TEX30: variants seen among roughly 807,000 people sequenced by gnomAD.
The protein encoded by TEX30 is testis-expressed protein 30.
TEX30 carries 14 observed loss-of-function variants against 23.8 expected under a neutral mutation model. That is an observed-to-expected ratio of 0.59 (90% CI 0.39 to 0.92). TEX30 has a LOEUF of 0.92. TEX30 is among the 40% of genes least tolerant of loss of function. TEX30 has a pLI of 0.00. For missense variants in TEX30, 246 were observed against 270.6 expected (o/e 0.91, Z 0.64); for synonymous variants, 78 against 90.2 (o/e 0.87, Z 0.76).
intron 3 of TEX30, among the ~76,000 whole-genome samples, 183 bp downstream of exon 3, chr13:102,769,128 T>C (rs767963492): frequency 1.3e-5 from 2 of 152,190 alleles, no homozygotes; most frequent in African/African-American, 2.4e-5. Flanking sequence ...TTCATCTCCA[T>C]GGAAACTGAT....
chr13:102,769,810 T>C (rs1303479923), intron 2 of TEX30: 4 of 524,140 alleles, frequency 7.6e-6, no homozygotes, highest in Non-Finnish European at 1.3e-5. Context: ...GCACAGCAGA[T>C]TAAGTAACTT....
chr13:102,769,333 A>T lies in TEX30; in HGVS notation c.224T>A (p.Ile75Asn). Residue 75 changes from isoleucine to asparagine, a missense_variant, in exon 3 of 6, where the codon ATT (isoleucine) becomes AAT (asparagine). Ile to Asn is a moderately radical substitution (Grantham distance 149, BLOSUM62 -3). Transcript: ENST00000376032. ...TACCAAAACTGATTTATACGCCTTA[A>T]TTCTATGTACAATATTAAGGCCTTT... The part of the protein sequence containing the change: ...TCKGLNIVHR[I>N]KAYKSVLNYL... The T allele has an allele frequency of 6.4e-7, 1 of 1,552,804 alleles. No individual in the cohort carries two copies. Among genetic ancestry groups the T allele is most frequent in the Non-Finnish European group, 8.6e-7 (1 of 1,157,782 alleles).
chr13:102,767,234 A>C, intron 5 of TEX30, 39 bp downstream of exon 5: 1 of 1,587,990 alleles, frequency 6.3e-7, no homozygotes, highest in Non-Finnish European at 8.6e-7. Context: ...TCTGCCTTTC[A>C]TTCTCTTTCA....
chr13:102,771,152 C>T (rs538032099), intron 1 of TEX30, among the ~76,000 whole-genome samples: 28 of 70,050 alleles, frequency 4.0e-4, no homozygotes, highest in Admixed American at 1.9e-3. Context: ...TATTTTCACA[C>T]GATGTAAGTG....
chr13:102,769,504 T>C lies in TEX30; in HGVS notation c.53A>G (p.Asp18Gly), dbSNP rs759649559. The C allele has an allele frequency of 6.2e-7, 1 of 1,600,918 alleles. No homozygotes were observed. The highest frequency in any genetic ancestry group is 8.5e-7 in the Non-Finnish European group (1 of 1,175,676). Residue 18 changes from aspartate to glycine, a missense_variant, in exon 3 of 6, where the codon GAT becomes GGT. By Grantham distance (94) the Asp-to-Gly change is moderately conservative (BLOSUM62 -1). Transcript: ENST00000376032. ...CTTGTTAGGTACCAAACAAACAGCATCTAGTAATTTATTTCCAAAAGGTAT... is the reference window on the plus strand; with the variant it reads ...CTTGTTAGGTACCAAACAAACAGCACCTAGTAATTTATTTCCAAAAGGTAT... ...LKIPFGNKLL[D>G]AVCLVPNKSL... is the part of the protein sequence containing the mutation.
intron 1 of TEX30, among the ~76,000 whole-genome samples, chr13:102,771,734 A>G (rs1877334888): frequency 1.3e-5 from 2 of 152,250 alleles, no homozygotes; most frequent in Non-Finnish European, 2.9e-5. Context: ...TCTCAAGAGA[A>G]TAAGCCTCCA....
chr13:102,767,000 T>C (rs1025034658), intron 5 of TEX30, among the ~76,000 whole-genome samples: 12 of 152,202 alleles, frequency 7.9e-5, no homozygotes, highest in African/African-American at 2.9e-4. Flanking sequence ...AAAAAATCTA[T>C]AGTGTAGTAA....
rs1195081187 is a variant in TEX30 at position 102,769,454 on chromosome 13, T to G, written c.103A>C (p.Thr35Pro). 6.2e-7 allele frequency: 1 copy of G among 1,612,038 alleles called. No homozygotes were observed. The highest frequency in any genetic ancestry group is 1.3e-5 in the African/African-American group (1 of 74,878). ...NKSLTYGIILTHGASGDMNLP... is the reference protein window; with the variant it reads ...NKSLTYGIILPHGASGDMNLP... ...TTCATATCTCCTGATGCTCCATGTG[T>G]AAGAATTATTCCATATGTTAAGCTC... Residue 35 changes from threonine to proline, a missense_variant, in exon 3 of 6, where the codon ACA (threonine) becomes CCA (proline). Thr to Pro is a conservative substitution (Grantham distance 38). Transcript: ENST00000376032.
Position 102,769,304 on chromosome 13 carries a change from T to G in TEX30, c.246+7A>C. On this transcript the variant is annotated splice_region_variant and intron_variant, in intron 3 of 5. Transcript: ENST00000376032. ...TGTTATAAGTAAATATAAAGAAATT[T>G]TCTTACCAAAACTGATTTATACGCC... 1 of 1,498,232 alleles carries G rather than the reference T, an allele frequency of 6.7e-7. No homozygotes were observed. Among genetic ancestry groups the G allele is most frequent in the Non-Finnish European group, 8.9e-7 (1 of 1,124,640 alleles). The allele number at this position is 1,498,232 out of a possible 1,614,324, so 92.8% of individuals were successfully genotyped here. A position where few individuals can be genotyped will look rare whatever the true frequency, so the allele number is the denominator to read the frequency against.
In TEX30 at chr13:102,767,494, ATTAAG is replaced by A. The variant is rs749046990; in HGVS notation, c.299-21_299-17del. The A allele has an allele frequency of 1.7e-5, 28 of 1,612,052 alleles. No homozygotes were observed. The highest frequency in any genetic ancestry group is 2.1e-5 in the Non-Finnish European group (25 of 1,178,880). On this transcript the variant is annotated splice_polypyrimidine_tract_variant and intron_variant, in intron 4 of 5. Transcript: ENST00000376032. ...ATTGAACGACCTAAAATCAATTAAA[ATTAAG>A]TTCAGTTTGAAATATAAACTTTCAC...
At chr13:102,768,560 T>C (rs910970276) in intron 3 of TEX30, among the ~76,000 whole-genome samples, 1 of 152,228 alleles carries the variant, frequency 6.6e-6, no homozygotes, top group African/African-American at 2.4e-5. Flanking sequence ...TTTACTAAAA[T>C]ATTTAAGCAC....
chr13:102,767,229 C>T (rs1240521113), intron 5 of TEX30, 44 bp downstream of exon 5: 1 of 1,578,266 alleles, frequency 6.3e-7, no homozygotes. Context: ...ATATGTCTGC[C>T]TTTCATTCTC....
intron 1 of TEX30, among the ~76,000 whole-genome samples, chr13:102,773,222 C>T (rs1052364465): frequency 2.6e-5 from 4 of 152,196 alleles, no homozygotes; most frequent in Admixed American, 6.5e-5. Context: ...TACGGGGGGT[C>T]GGGTCAACAA....
At chr13:102,773,362 T>C (rs1312713579) in intron 1 of TEX30, 2 of 151,788 alleles carry the variant, frequency 1.3e-5, no homozygotes, top group Non-Finnish European at 2.9e-5. Flanking sequence ...GCTGCCCCGG[T>C]CGACCCCTCT....
Position 102,767,396 on chromosome 13 carries a change from G to A in TEX30, c.381C>T (p.Leu127=), listed in dbSNP as rs145623904. 2.5e-6 allele frequency: 4 copies of A among 1,614,006 alleles called. No individual in the cohort carries two copies. In the African/African-American group the frequency reaches 5.3e-5, roughly 22 times the overall value. ...GGTGCAGTGGGTAAGAAATACAAAT[G>A]AGACCCCGAACAAAATCATCACCAT... The part of the protein sequence containing the change: ...PDDGDDFVRG[L]ICISYPLHHP... The change falls in exon 5 of 6, where the codon CTC becomes CTT. Residue 127 remains leucine, a synonymous_variant. Coordinates refer to ENST00000376032, the MANE Select transcript of TEX30 (RefSeq NM_138779.5).
rs1876864802 is a variant in TEX30 at position 102,766,260 on chromosome 13, T to C, written c.*141A>G. The C allele has an allele frequency of 1.5e-6, 1 of 656,760 alleles. No individual in the cohort carries two copies. The highest frequency in any genetic ancestry group is 1.8e-5 in the African/African-American group (1 of 54,200). 40.7% of individuals were successfully genotyped at this position (656,760 alleles called of 1,614,324 possible). On this transcript the variant is annotated 3_prime_UTR_variant, in exon 6 of 6. Coordinates refer to ENST00000376032, the MANE Select transcript of TEX30 (RefSeq NM_138779.5). ...AAAGACATTTTGTGAAGGACATTAA[T>C]TTCACATTTAAAACGTGTTTCAAAA... is the stretch of plus-strand genomic sequence containing the variant.
Position 102,766,477 on chromosome 13 carries a change from T to C in TEX30, c.608A>G (p.Asp203Gly). The change falls in exon 6 of 6, where the codon GAT becomes GGT. Residue 203 changes from aspartate (D) to glycine (G), a missense_variant. Physicochemically the swap from Asp to Gly is moderately conservative, Grantham distance 94. Coordinates refer to ENST00000376032, the MANE Select transcript of TEX30 (RefSeq NM_138779.5). Reference sequence around the variant, plus strand: ...CTGTGTATTTATTTCTTTGAAAACATCATTTGTCGACCGTCCTTTCACTGC... The same window carrying C: ...CTGTGTATTTATTTCTTTGAAAACACCATTTGTCGACCGTCCTTTCACTGC... The part of the protein sequence containing the change: ...SMAVKGRSTN[D>G]VFKEINTQIL... 6.2e-7 allele frequency: 1 copy of C among 1,614,084 alleles called. No homozygotes were observed. The highest frequency in any genetic ancestry group is 8.5e-7 in the Non-Finnish European group (1 of 1,179,974).
intron 1 of TEX30, among the ~76,000 whole-genome samples, chr13:102,772,309 T>C (rs1022231069): frequency 7.2e-5 from 11 of 152,086 alleles, no homozygotes; most frequent in Admixed American, 1.3e-4. Flanking sequence ...CGCCCGCTTA[T>C]TATTTTTAAA....
intron 1 of TEX30, chr13:102,770,588 T>C (rs1401319907): frequency 6.6e-6 from 1 of 152,236 alleles, no homozygotes; most frequent in Non-Finnish European, 1.5e-5. Flanking sequence ...ACGTAACTTG[T>C]TTTAACTAAT....
Sources: gnomAD v4.1 joint callset for allele counts (sites outside exome capture counted in the v4.1 genomes callset) on GRCh38, gnomAD v4.1.1 for gene constraint, MANE v1.5 for transcripts, NCBI Gene and HGNC (gene_info 2026-07-23, HGNC 2026-07-21) for gene names.